Variants in CDH8 observed in about 807,000 individuals in gnomAD.
CDH8 encodes the protein cadherin-8.
CDH8 carries 17 observed loss-of-function variants against 68.1 expected under a neutral mutation model. That is an observed-to-expected ratio of 0.25 (90% CI 0.17 to 0.37). The LOEUF (loss-of-function observed/expected upper bound fraction) is 0.37, where lower values mean the gene tolerates loss of function less well. Among genes scored for constraint, CDH8 ranks in the 10% least tolerant of loss-of-function variants. The pLI, the probability that CDH8 is intolerant of heterozygous loss-of-function variation, is 1.00. For synonymous variants in CDH8, 372 were observed against 365.1 expected, an observed-to-expected ratio of 1.02 and a Z score of -0.21; for missense variants, 763 against 999.3, an observed-to-expected ratio of 0.76 and a Z score of 3.19.
intron 4 of CDH8, among the ~76,000 whole-genome samples, chr16:61,841,911 G>A (rs569844481): frequency 4.6e-5 from 7 of 152,114 alleles, no homozygotes; most frequent in East Asian, 1.9e-4. Context: ...GCTTGGAGAC[G>A]GAGTCTTGCT....
intron 3 of CDH8, among the ~76,000 whole-genome samples, chr16:61,892,024 C>T (rs1185440709): frequency 6.6e-6 from 1 of 152,026 alleles, no homozygotes; most frequent in East Asian, 1.9e-4. Flanking sequence ...ATCTTTTAAA[C>T]CTATGTGACA....
At chr16:62,002,654 T>C (rs1004375424) in intron 2 of CDH8, among the ~76,000 whole-genome samples, 1 of 152,236 alleles carries the variant, frequency 6.6e-6, no homozygotes, top group Non-Finnish European at 1.5e-5. Flanking sequence ...AAACTTCTTT[T>C]TGTAAAATAC....
At chr16:61,996,119 G>A (rs114568096) in intron 2 of CDH8, among the ~76,000 whole-genome samples, 2,019 of 152,304 alleles carry the variant, frequency 0.013, 22 homozygotes, top group East Asian at 0.049. Flanking sequence ...CTCAAGGCCA[G>A]TGGAAATGTT....
chr16:61,675,600 A>G (rs993743709), intron 10 of CDH8, among the ~76,000 whole-genome samples: 1 of 98,460 alleles, frequency 1.0e-5, no homozygotes, highest in Non-Finnish European at 1.9e-5. Flanking sequence ...AAAGTATAAT[A>G]AAAAAAAATA....
rs145615020 is a variant in CDH8 at position 61,966,076 on chromosome 16, C to T, written c.252+55076G>A. On this transcript the variant is annotated intron_variant, in intron 2 of 11. Transcript: ENST00000577390. ...ATAGCAATTAATTCATTGATTTTAT[C>T]GCAAAAAACTTTATTAGGCCAAATC... Among the ~76,000 whole-genome samples the T allele has an allele frequency of 2.5e-3, 374 of 152,170 alleles. 1 individual carries two copies. The highest frequency in any genetic ancestry group is 0.019 in the South Asian group (91 of 4,832).
chr16:62,024,776 A>C lies in CDH8; in HGVS notation c.-199-3174T>G, dbSNP rs983798269. On this transcript the variant is annotated intron_variant, in intron 1 of 11. Coordinates refer to ENST00000577390, the MANE Select transcript of CDH8 (RefSeq NM_001796.5). Reference sequence around the variant, plus strand: ...TGTGTTCAAAACTGAGGCAGAGAATAATGAAATGATTTACTCAAGGAGCAC... The same window carrying C: ...TGTGTTCAAAACTGAGGCAGAGAATCATGAAATGATTTACTCAAGGAGCAC... Among the ~76,000 whole-genome samples, 7 of 152,362 alleles carry C rather than the reference A, an allele frequency of 4.6e-5. No individual in the cohort carries two copies. In the South Asian group the frequency reaches 1.4e-3, roughly 32 times the overall value.
At chr16:62,022,876 C>A (rs1902106625) in intron 1 of CDH8, among the ~76,000 whole-genome samples, 1 of 152,016 alleles carries the variant, frequency 6.6e-6, no homozygotes, top group South Asian at 2.1e-4. Context: ...GCTTGTCATT[C>A]TTTGCCTGGG....
At chr16:61,979,080 TAAAG>T (rs1334497307) in intron 2 of CDH8, among the ~76,000 whole-genome samples, 3 of 146,360 alleles carry the variant, frequency 2.0e-5, no homozygotes, top group African/African-American at 5.0e-5. Context: ...CAGAGAGAAA[TAAAG>T]AATCTCAGCC....
At chr16:61,711,119 T>A (rs928442904) in intron 10 of CDH8, among the ~76,000 whole-genome samples, 1 of 151,916 alleles carries the variant, frequency 6.6e-6, no homozygotes, top group African/African-American at 2.4e-5. Flanking sequence ...ATGATTCTCA[T>A]ATATTTAGTA....
intron 2 of CDH8, among the ~76,000 whole-genome samples, chr16:61,941,497 T>G (rs1964724266): frequency 6.6e-6 from 1 of 152,244 alleles, no homozygotes; most frequent in Non-Finnish European, 1.5e-5. Context: ...TTGCCCAGGC[T>G]GGAGTGCAAT....
At chr16:61,872,488 A>G (rs946157275) in intron 3 of CDH8, among the ~76,000 whole-genome samples, 1 of 152,210 alleles carries the variant, frequency 6.6e-6, no homozygotes, top group African/African-American at 2.4e-5. Context: ...TGGTTGAAGG[A>G]GTTATTATCA....
rs577733869 is a variant in CDH8 at position 62,002,870 on chromosome 16, G to A, written c.252+18282C>T. Among the ~76,000 whole-genome samples, 9 of 152,192 alleles carry A rather than the reference G, an allele frequency of 5.9e-5. No individual in the cohort carries two copies. In the South Asian group the frequency reaches 1.9e-3, roughly 32 times the overall value. On this transcript the variant is annotated intron_variant, in intron 2 of 11. Coordinates refer to ENST00000577390, the MANE Select transcript of CDH8 (RefSeq NM_001796.5). ...AAATCAAGACCATCCTGGCTAACAC[G>A]GTGAAACCCCGTCTCTACTAAAAAT...
At chr16:61,888,317 G>A (rs112589849) in intron 3 of CDH8, among the ~76,000 whole-genome samples, 17 of 152,236 alleles carry the variant, frequency 1.1e-4, no homozygotes, top group African/African-American at 4.1e-4. Context: ...TGTCCCCATG[G>A]GTTCTAGTTG....
At chr16:61,874,971 A>G (rs966176652) in intron 3 of CDH8, among the ~76,000 whole-genome samples, 5 of 152,188 alleles carry the variant, frequency 3.3e-5, no homozygotes, top group African/African-American at 9.7e-5. Context: ...GATTAGGCAA[A>G]TAGGCATGAA....
At chr16:61,766,565 T>C (rs8056824) in intron 8 of CDH8, among the ~76,000 whole-genome samples, 150,753 of 152,074 alleles carry the variant, frequency 0.99, 74,723 homozygotes, top group Middle Eastern at 1. Flanking sequence ...AATCTCCATA[T>C]TGTTTTCCAT....
intron 2 of CDH8, among the ~76,000 whole-genome samples, chr16:61,953,907 A>T: frequency 1.4e-5 from 2 of 140,420 alleles, no homozygotes; most frequent in East Asian, 4.1e-4. Context: ...ATATATATAT[A>T]TATATATATA....
chr16:61,939,681 GC>G (rs1837553565), intron 2 of CDH8, among the ~76,000 whole-genome samples: 1 of 152,050 alleles, frequency 6.6e-6, no homozygotes, highest in African/African-American at 2.4e-5. Context: ...TAAATACCAA[GC>G]CCTATAATAA....
intron 8 of CDH8, among the ~76,000 whole-genome samples, chr16:61,777,332 G>A (rs754972351): frequency 2.6e-5 from 4 of 152,064 alleles, no homozygotes; most frequent in South Asian, 2.1e-4. Flanking sequence ...GCAGCAACTC[G>A]CACCTGAAAA....
At chr16:61,911,346 G>T (rs1964158621) in intron 2 of CDH8, among the ~76,000 whole-genome samples, 1 of 152,066 alleles carries the variant, frequency 6.6e-6, no homozygotes, top group Non-Finnish European at 1.5e-5. Flanking sequence ...TTCCATTTAT[G>T]TTTCAATGCA....
Sources: gnomAD v4.1 joint callset for allele counts (sites outside exome capture counted in the v4.1 genomes callset) on GRCh38, gnomAD v4.1.1 for gene constraint, MANE v1.5 for transcripts, NCBI Gene and HGNC (gene_info 2026-07-23, HGNC 2026-07-21) for gene names.